Variants in EP300 observed in about 807,000 individuals in gnomAD.
EP300 encodes the protein EP300 lysine acetyltransferase, also known as histone acetyltransferase p300.
In EP300, 31 loss-of-function variants were observed where a neutral mutation model predicts 264.0. That is an observed-to-expected ratio of 0.12 (90% CI 0.09 to 0.16). EP300 has a LOEUF of 0.16. Ranked by LOEUF, EP300 falls within the 10% of genes least tolerant of loss-of-function variation. The pLI is 1.00. For missense variants in EP300, 2,766 were observed against 3,052.9 expected, an observed-to-expected ratio of 0.91 and a Z score of 2.21; for synonymous variants, 1,340 against 1,045.4, an observed-to-expected ratio of 1.28 and a Z score of -5.44.
At chr22:41,169,938 A>T (rs2059160647) in intron 26 of EP300, among the ~76,000 whole-genome samples, 1 of 152,232 alleles carries the variant, frequency 6.6e-6, no homozygotes, top group Non-Finnish European at 1.5e-5. Context: ...CAACCTGGGT[A>T]TGAAGACCAA....
At chr22:41,119,909 G>A (rs1044750264) in intron 2 of EP300, among the ~76,000 whole-genome samples, 7 of 152,086 alleles carry the variant, frequency 4.6e-5, no homozygotes, top group Admixed American at 3.3e-4. Context: ...CTGCCTCCCG[G>A]GTTCAGGCAG....
intron 4 of EP300, among the ~76,000 whole-genome samples, chr22:41,128,013 C>G (rs570554100): frequency 6.6e-6 from 1 of 152,112 alleles, no homozygotes; most frequent in South Asian, 2.1e-4. Flanking sequence ...CATAGCAAGA[C>G]CTCGCCGGGC....
intron 2 of EP300, among the ~76,000 whole-genome samples, chr22:41,119,175 AT>A (rs1159365617): frequency 4.2e-4 from 47 of 112,992 alleles, no homozygotes; most frequent in African/African-American, 1.8e-3. Context: ...GCTTATTATT[AT>A]TTTTTTTTTT....
intron 2 of EP300, among the ~76,000 whole-genome samples, chr22:41,124,130 C>T (rs943960013): frequency 6.6e-6 from 1 of 152,200 alleles, no homozygotes; most frequent in Non-Finnish European, 1.5e-5. Context: ...CGCCTGTAGT[C>T]CCAGCTACTC....
chr22:41,130,904 C>A (rs1365078380), intron 5 of EP300, among the ~76,000 whole-genome samples: 2 of 150,994 alleles, frequency 1.3e-5, no homozygotes, highest in African/African-American at 2.4e-5. Flanking sequence ...GGTTAAAGGA[C>A]AAATTTGGGA....
In EP300 at chr22:41,179,532, T is replaced by G. The variant is rs1484508636; in HGVS notation, c.*576T>G. The G allele has an allele frequency of 1.2e-5, 2 of 167,020 alleles. No homozygotes were observed. The highest frequency in any genetic ancestry group is 2.4e-5 in the Non-Finnish European group (2 of 82,162). The allele number at this position is 167,020 out of a possible 1,614,324, so 10.3% of individuals were successfully genotyped here. ...AGATGTTCATTCTTTTAAAAAATGT[T>G]TAAAAAAAAAAAAAAACTGCCTTTC... On this transcript the variant is annotated 3_prime_UTR_variant, in exon 31 of 31. Coordinates refer to ENST00000263253, the MANE Select transcript of EP300 (RefSeq NM_001429.4).
intron 1 of EP300, among the ~76,000 whole-genome samples, chr22:41,107,787 G>A (rs912118287): frequency 2.0e-5 from 3 of 152,096 alleles, no homozygotes; most frequent in Non-Finnish European, 4.4e-5. Context: ...TGCAACCTCT[G>A]CCTCCTGGGT....
At chr22:41,158,389 T>G in intron 18 of EP300, 23 bp from the exon 19 acceptor site, 1 of 1,612,120 alleles carries the variant, frequency 6.2e-7, no homozygotes. Flanking sequence ...TCTGTGCTTT[T>G]TAACAAATGG....
rs981786177 is a variant in EP300 at position 41,111,491 on chromosome 22, T to C, written c.95-5696T>C. 3.3e-5 allele frequency among the ~76,000 whole-genome samples: 5 copies of C among 152,366 alleles called. No individual in the cohort carries two copies. The South Asian group carries it at 6.2e-4, about 19-fold the overall frequency. ...TTTGAACTTTCTATGTCAACAGTTATATTATCTACAGACAATAAGTTTTGT... is the reference window on the plus strand; with the variant it reads ...TTTGAACTTTCTATGTCAACAGTTACATTATCTACAGACAATAAGTTTTGT... On this transcript the variant is annotated intron_variant, in intron 1 of 30. Transcript: ENST00000263253.
chr22:41,172,762 G>T, intron 28 of EP300, 99 bp downstream of exon 28: 1 of 1,264,804 alleles, frequency 7.9e-7, no homozygotes, highest in Non-Finnish European at 1.1e-6. Flanking sequence ...GCTTTCAGGT[G>T]TAAAAGAGCT....
At chr22:41,166,316 ATCAC>A (rs2059133893) in intron 22 of EP300, among the ~76,000 whole-genome samples, 1 of 152,204 alleles carries the variant, frequency 6.6e-6, no homozygotes, top group Non-Finnish European at 1.5e-5. Context: ...TTTCTCCCCT[ATCAC>A]ATTAGCAAAA....
chr22:41,131,184 A>G (rs2058917091), intron 5 of EP300, among the ~76,000 whole-genome samples: 2 of 152,158 alleles, frequency 1.3e-5, no homozygotes, highest in Admixed American at 6.6e-5. Flanking sequence ...TTCAGAATCA[A>G]AAGCCTTTTA....
intron 17 of EP300, among the ~76,000 whole-genome samples, chr22:41,155,416 T>C (rs1325990776): frequency 6.6e-6 from 1 of 152,090 alleles, no homozygotes; most frequent in Non-Finnish European, 1.5e-5. Flanking sequence ...TATTTTTTAG[T>C]AGAGACGGGG....
Position 41,151,924 on chromosome 22 carries a change from A to G in EP300, c.2909A>G (p.Lys970Arg), listed in dbSNP as rs962656169. The change falls in exon 15 of 31, where the codon AAG becomes AGG. Residue 970 changes from lysine to arginine, a missense_variant. Physicochemically the swap from Lys to Arg is conservative, Grantham distance 26. Coordinates refer to ENST00000263253, the MANE Select transcript of EP300 (RefSeq NM_001429.4). ...TEVNSQAIAE[K>R]QPSQEVKMEA... ...GTGAATTCTCAGGCCATTGCTGAGA[A>G]GCAGCCTTCCCAGGAAGTGAAGATG... The G allele has an allele frequency of 6.2e-7, 1 of 1,614,184 alleles. No individual in the cohort carries two copies. Among genetic ancestry groups the G allele is most frequent in the Non-Finnish European group, 8.5e-7 (1 of 1,180,030 alleles).
intron 10 of EP300, chr22:41,146,453 C>T (rs1173614252): frequency 4.9e-6 from 2 of 404,098 alleles, no homozygotes; most frequent in African/African-American, 4.1e-5. Flanking sequence ...AGGCGTGAGC[C>T]ACTGTGCCTG....
At chr22:41,161,263 C>T (rs1409899242) in intron 20 of EP300, among the ~76,000 whole-genome samples, 2 of 152,138 alleles carry the variant, frequency 1.3e-5, no homozygotes, top group East Asian at 1.9e-4. Flanking sequence ...GCTTTGCAGT[C>T]TCACAAGCTC....
Position 41,127,730 on chromosome 22 carries a change from T to G in EP300, c.1150T>G (p.Ser384Ala), listed in dbSNP as rs377368037. 87 of 1,614,114 alleles carry G rather than the reference T, an allele frequency of 5.4e-5. No individual in the cohort carries two copies. The highest frequency in any genetic ancestry group is 7.3e-5 in the Non-Finnish European group (86 of 1,180,052). ...CCTAAACCACATGACACACTGCCAG[T>G]CAGGCAAGTCTTGCCAAGGTAAGTG... Reference protein sequence around the residue: ...NVLNHMTHCQSGKSCQVAHCA... With the variant: ...NVLNHMTHCQAGKSCQVAHCA... Residue 384 changes from serine to alanine, a missense_variant, in exon 4 of 31, where the codon TCA becomes GCA. Physicochemically the swap from Ser to Ala is moderately conservative, Grantham distance 99. Transcript: ENST00000263253.
rs892460781 is a variant in EP300, at chr22:41,146,962, G to C, written c.2131+146G>C. 6 of 744,610 alleles carry C rather than the reference G, an allele frequency of 8.1e-6. No individual in the cohort carries two copies. In the Admixed American group the frequency reaches 1.0e-4, roughly 13 times the overall value. The allele number at this position is 744,610 out of a possible 1,614,324, so 46.1% of individuals were successfully genotyped here. A position where few individuals can be genotyped will look rare whatever the true frequency, so the allele number is the denominator to read the frequency against. The stretch of plus-strand genomic sequence containing the variant: ...GGAAGAGGGGGTGAAGAGCAGGTTG[G>C]CTGGCAGATCACAGGGCAGGTGACA... On this transcript the variant is annotated intron_variant, in intron 11 of 30. Transcript: ENST00000263253.
At chr22:41,100,087 G>T in intron 1 of EP300, among the ~76,000 whole-genome samples, 1 of 152,118 alleles carries the variant, frequency 6.6e-6, no homozygotes, top group Non-Finnish European at 1.5e-5. Context: ...TAAAAAGTCA[G>T]CAAGGCATGG....
Sources: gnomAD v4.1 joint callset for allele counts (sites outside exome capture counted in the v4.1 genomes callset) on GRCh38, gnomAD v4.1.1 for gene constraint, MANE v1.5 for transcripts, NCBI Gene and HGNC (gene_info 2026-07-23, HGNC 2026-07-21) for gene names.